SMC1A: variants seen among roughly 807,000 people sequenced by gnomAD.
SMC1A encodes the protein structural maintenance of chromosomes 1A.
SMC1A carries 4 observed loss-of-function variants against 94.5 expected under a neutral mutation model. The observed-to-expected ratio is 0.04, with a 90% CI of 0.02 to 0.10. The LOEUF (loss-of-function observed/expected upper bound fraction) is 0.10, where lower values mean the gene tolerates loss of function less well. SMC1A is among the 10% of genes least tolerant of loss of function. The pLI, the probability that SMC1A is intolerant of heterozygous loss-of-function variation, is 1.00. For missense variants in SMC1A, 304 were observed against 989.0 expected (o/e 0.31, Z 9.29); for synonymous variants, 345 against 347.7 (o/e 0.99, Z 0.09).
At chrX:53,381,732 G>T in intron 22 of SMC1A, 1 of 172,715 alleles carries the variant, frequency 5.8e-6, no homozygotes, top group Non-Finnish European at 1.1e-5. Context: ...ATACATCTGT[G>T]TCCCTAATCC....
intron 15 of SMC1A, among the ~76,000 whole-genome samples, chrX:53,402,884 A>AAAAAAAAAAAAAAAAAAAAAAAAAAT (rs2075676289): frequency 1.1e-5 from 1 of 89,663 alleles, no homozygotes; most frequent in African/African-American, 4.3e-5. Flanking sequence ...AAAAAAAAAA[A>AAAAAAAAAAAAAAAAAAAAAAAAAAT]AGGGCCGGCA....
rs1277335464 is a variant in SMC1A at position 53,412,334 on chromosome X, T to C, written c.855-81A>G. ...CCAGGCTTTTCACCCAAAGGAGAGC[T>C]TGAGCCCCTGAGCCAACCTCAGGGA... is the stretch of plus-strand genomic sequence containing the variant. On this transcript the variant is annotated intron_variant, in intron 5 of 24. Transcript: ENST00000322213. The C allele has an allele frequency of 3.9e-6, 4 of 1,038,191 alleles. No homozygotes were observed. In the Middle Eastern group the frequency reaches 1.1e-3, roughly 277 times the overall value. 85.6% of individuals were successfully genotyped at this position (1,038,191 alleles called of 1,213,427 possible).
Position 53,422,116 on chromosome X carries a change from T to C in SMC1A, c.109+376A>G, listed in dbSNP as rs1281599255. 3.1e-5 allele frequency: 34 copies of C among 1,081,882 alleles called. No homozygotes were observed. The Middle Eastern group carries it at 1.4e-3, about 46-fold the overall frequency. The allele number at this position is 1,081,882 out of a possible 1,213,427, so 89.2% of individuals were successfully genotyped here. ...GCGTCCCCACATTCTCCGGAGGGGG[T>C]CAAGTAAGGCTGGGAAGCCGGCTCC... On this transcript the variant is annotated intron_variant, in intron 1 of 24. Transcript: ENST00000322213.
At chrX:53,395,223 A>C (rs782556949) in intron 18 of SMC1A, among the ~76,000 whole-genome samples, 6 of 112,200 alleles carry the variant, frequency 5.3e-5, no homozygotes, top group Admixed American at 9.5e-5. Flanking sequence ...CATGCCTGTA[A>C]TCCCAGCTAC....
At position 53,422,635 on chromosome X, in the gene SMC1A, G is replaced by A. The variant is rs782175993; in HGVS notation, c.-35C>T. On this transcript the variant is annotated 5_prime_UTR_variant, in exon 1 of 25. Transcript: ENST00000322213. Reference sequence around the variant, plus strand: ...GGCGCCGGCGGCAGTAGGACAGGCCGCGCCGTACGCCCGAGAACTGAGGTA... The same window carrying A: ...GGCGCCGGCGGCAGTAGGACAGGCCACGCCGTACGCCCGAGAACTGAGGTA... 2.1e-6 allele frequency: 2 copies of A among 953,121 alleles called. No individual in the cohort carries two copies. The highest frequency in any genetic ancestry group is 3.0e-6 in the Non-Finnish European group (2 of 662,450). 78.5% of individuals were successfully genotyped at this position (953,121 alleles called of 1,213,427 possible). A position where few individuals can be genotyped will look rare whatever the true frequency, so the allele number is the denominator to read the frequency against.
intron 16 of SMC1A, among the ~76,000 whole-genome samples, chrX:53,397,042 T>C (rs1048761745): frequency 4.5e-5 from 5 of 109,936 alleles, no homozygotes; most frequent in Non-Finnish European, 7.6e-5. Flanking sequence ...TCATGTGCAG[T>C]ATGGTAACAT....
At position 53,397,455 on chromosome X, in the gene SMC1A, C is replaced by T. The variant is rs146816330; in HGVS notation, c.2563-838G>A. ...AATTAGCTGGGTGTGGTGGCACACG[C>T]CTGTGGTCCCAGCTACTTGAGAGGT... On this transcript the variant is annotated intron_variant, in intron 16 of 24. Transcript: ENST00000322213. 9.8e-3 allele frequency among the ~76,000 whole-genome samples: 1,089 copies of T among 111,241 alleles called. 13 individuals carry two copies. The highest frequency in any genetic ancestry group is 0.034 in the African/African-American group (1,038 of 30,586).
chrX:53,402,794 G>A (rs1246473023), intron 15 of SMC1A, among the ~76,000 whole-genome samples: 8 of 92,099 alleles, frequency 8.7e-5, no homozygotes, highest in Middle Eastern at 5.7e-3. Context: ...ACGGGAGCCC[G>A]GAAGGTGGAG....
intron 20 of SMC1A, 75 bp downstream of exon 20, chrX:53,383,022 G>T: frequency 2.0e-6 from 2 of 979,381 alleles, no homozygotes; most frequent in Non-Finnish European, 2.9e-6. Context: ...GAACTGCTGT[G>T]ATGTATAGCA....
intron 23 of SMC1A, 108 bp downstream of exon 23, chrX:53,380,908 GCA>G (rs1278706476): frequency 5.0e-5 from 36 of 722,177 alleles, no homozygotes; most frequent in Non-Finnish European, 6.4e-5. Context: ...AGCCTCCCAG[GCA>G]CAGAGAGCAG....
At chrX:53,407,192 T>C (rs1602410919) in intron 9 of SMC1A, among the ~76,000 whole-genome samples, 1 of 112,089 alleles carries the variant, frequency 8.9e-6, no homozygotes, top group African/African-American at 3.2e-5. Context: ...TGGAGGCCCA[T>C]AGATAGCTTC....
chrX:53,419,340 A>G (rs1350829731), intron 1 of SMC1A, among the ~76,000 whole-genome samples: 1 of 109,878 alleles, frequency 9.1e-6, no homozygotes, highest in Non-Finnish European at 1.9e-5. Flanking sequence ...CAGCCTGGAC[A>G]ACATGGCAAA....
chrX:53,408,212 T>A (rs1161955286), intron 9 of SMC1A, among the ~76,000 whole-genome samples: 1 of 111,350 alleles, frequency 9.0e-6, no homozygotes, highest in Non-Finnish European at 1.9e-5. Context: ...GCACCTGTAA[T>A]CTCAGCTACT....
At position 53,414,977 on chromosome X, in the gene SMC1A, C is replaced by A; in HGVS notation, c.298+4G>T. On this transcript the variant is annotated splice_donor_region_variant and intron_variant, in intron 2 of 24. Transcript: ENST00000322213. The stretch of plus-strand genomic sequence containing the variant: ...AGGAGAGCTTTCTGGCCAGCCTCAC[C>A]CACCTACAATGACACGGGCAAAGGT... 8.3e-7 allele frequency: 1 copy of A among 1,210,878 alleles called. No individual in the cohort carries two copies. The highest frequency in any genetic ancestry group is 1.1e-6 in the Non-Finnish European group (1 of 895,072).
At chrX:53,409,360 A>T (rs1373443801) in intron 8 of SMC1A, 61 bp downstream of exon 8, 17 of 1,150,803 alleles carry the variant, frequency 1.5e-5, no homozygotes, top group Admixed American at 2.2e-5. Context: ...GAAGAGGGGC[A>T]TGTAGGTAGG....
chrX:53,416,478 A>G (rs1002692102), intron 1 of SMC1A, among the ~76,000 whole-genome samples: 7 of 104,621 alleles, frequency 6.7e-5, no homozygotes, highest in African/African-American at 2.4e-4. Flanking sequence ...ACAACCTCCG[A>G]CTCCCTGGTT....
chrX:53,384,774 C>T (rs888975232), intron 19 of SMC1A, among the ~76,000 whole-genome samples: 2 of 110,317 alleles, frequency 1.8e-5, no homozygotes, highest in Non-Finnish European at 3.8e-5. Flanking sequence ...AGGGAGACTC[C>T]GTCTCTACAA....
At chrX:53,415,838 AT>A (rs1556891207) in intron 1 of SMC1A, among the ~76,000 whole-genome samples, 1 of 104,092 alleles carries the variant, frequency 9.6e-6, no homozygotes, top group Admixed American at 1.1e-4. Context: ...CTTTAAAAAA[AT>A]AGTGAAAAAA....
chrX:53,413,514 AG>A, intron 3 of SMC1A, 79 bp from the exon 4 acceptor site: 2 of 942,425 alleles, frequency 2.1e-6, no homozygotes, highest in Non-Finnish European at 3.0e-6. Flanking sequence ...TCCTTCACCC[AG>A]AAAAAGTTAC....
Sources: gnomAD v4.1 joint callset for allele counts (sites outside exome capture counted in the v4.1 genomes callset) on GRCh38, gnomAD v4.1.1 for gene constraint, MANE v1.5 for transcripts, NCBI Gene and HGNC (gene_info 2026-07-23, HGNC 2026-07-21) for gene names.